IMMP2L: variants seen among roughly 807,000 people sequenced by gnomAD.
The protein encoded by IMMP2L is mitochondrial inner membrane protease subunit 2.
In IMMP2L, 18 loss-of-function variants were observed where a neutral mutation model predicts 19.3. That is an observed-to-expected ratio of 0.93 (90% CI 0.64 to 1.38). IMMP2L has a LOEUF of 1.38. Ranked by LOEUF, IMMP2L falls within the 40% of genes most tolerant of loss-of-function variation. IMMP2L has a pLI of 0.00. For missense variants in IMMP2L, 233 were observed against 218.2 expected (o/e 1.07, Z -0.43); for synonymous variants, 76 against 73.0 (o/e 1.04, Z -0.21).
chr7:110,878,686 G>C (rs145278247), intron 5 of IMMP2L, among the ~76,000 whole-genome samples: 2 of 151,888 alleles, frequency 1.3e-5, no homozygotes, highest in Admixed American at 1.3e-4. Context: ...TGCTGAAATG[G>C]AGGCCAGAAA....
intron 3 of IMMP2L, among the ~76,000 whole-genome samples, chr7:111,093,170 A>G (rs1586211898): frequency 6.6e-6 from 1 of 152,348 alleles, no homozygotes; most frequent in East Asian, 1.9e-4. Flanking sequence ...TCTCTGTAAG[A>G]TGAACAAGTT....
At chr7:111,108,529 A>G (rs1798808811) in intron 3 of IMMP2L, among the ~76,000 whole-genome samples, 2 of 152,174 alleles carry the variant, frequency 1.3e-5, no homozygotes. Flanking sequence ...TATACGAACA[A>G]AACATACATA....
chr7:111,232,550 T>C (rs1813832178), intron 3 of IMMP2L, among the ~76,000 whole-genome samples: 1 of 152,062 alleles, frequency 6.6e-6, no homozygotes, highest in East Asian at 1.9e-4. Context: ...ATAAATTCTT[T>C]TGTTAACTTC....
intron 3 of IMMP2L, among the ~76,000 whole-genome samples, chr7:111,348,652 T>C (rs1341394751): frequency 4.6e-5 from 7 of 152,048 alleles, no homozygotes; most frequent in African/African-American, 7.2e-5. Context: ...CTTCCAAACG[T>C]TTTTAAAATA....
chr7:110,810,930 C>A (rs1322520610), intron 5 of IMMP2L, among the ~76,000 whole-genome samples: 4 of 151,956 alleles, frequency 2.6e-5, no homozygotes, highest in Non-Finnish European at 5.9e-5. Flanking sequence ...TGCTGAGATG[C>A]GTAAAGCTGA....
intron 5 of IMMP2L, among the ~76,000 whole-genome samples, chr7:110,837,677 CA>C (rs1458013298): frequency 6.6e-6 from 1 of 151,994 alleles, no homozygotes; most frequent in East Asian, 1.9e-4. Context: ...GTCAACTATA[CA>C]GGGGCCTCAA....
chr7:110,830,974 G>A (rs1803923790), intron 5 of IMMP2L, among the ~76,000 whole-genome samples: 1 of 152,176 alleles, frequency 6.6e-6, no homozygotes, highest in Admixed American at 6.5e-5. Flanking sequence ...AGTCAGAACT[G>A]GCTGCTCTGG....
At chr7:111,165,478 A>C (rs1805718159) in intron 3 of IMMP2L, among the ~76,000 whole-genome samples, 1 of 152,018 alleles carries the variant, frequency 6.6e-6, no homozygotes, top group South Asian at 2.1e-4. Context: ...TTTATGTTTA[A>C]CTTTTTGAGG....
At chr7:111,280,715 A>T (rs945922174) in intron 3 of IMMP2L, among the ~76,000 whole-genome samples, 14 of 152,164 alleles carry the variant, frequency 9.2e-5, no homozygotes, top group Non-Finnish European at 1.9e-4. Context: ...TCTTACTAAA[A>T]ACTTAGTAAT....
chr7:111,137,969 C>A (rs1802504941), intron 3 of IMMP2L, among the ~76,000 whole-genome samples: 2 of 152,140 alleles, frequency 1.3e-5, no homozygotes, highest in African/African-American at 4.8e-5. Context: ...GGATTACTGG[C>A]ATGAGCCACC....
At chr7:111,475,644 C>G (rs1163099542) in intron 3 of IMMP2L, among the ~76,000 whole-genome samples, 1 of 151,872 alleles carries the variant, frequency 6.6e-6, no homozygotes, top group Non-Finnish European at 1.5e-5. Context: ...ACAAAATTAA[C>G]CATTAGAATA....
intron 4 of IMMP2L, among the ~76,000 whole-genome samples, chr7:110,950,884 A>C (rs1297919782): frequency 7.0e-6 from 1 of 142,224 alleles, no homozygotes; most frequent in African/African-American, 2.7e-5. Context: ...ATATATATGC[A>C]CCAAGTTCAT....
chr7:111,147,803 A>C (rs981779306), intron 3 of IMMP2L, among the ~76,000 whole-genome samples: 1 of 152,176 alleles, frequency 6.6e-6, no homozygotes, highest in Non-Finnish European at 1.5e-5. Context: ...AACAATTGTC[A>C]AAATAAACTT....
At chr7:111,079,807 G>C (rs1226659176) in intron 3 of IMMP2L, among the ~76,000 whole-genome samples, 1 of 152,164 alleles carries the variant, frequency 6.6e-6, no homozygotes, top group African/African-American at 2.4e-5. Context: ...GGCACTTGGA[G>C]GTGGGGCCTT....
At chr7:111,453,621 G>A (rs763101522) in intron 3 of IMMP2L, among the ~76,000 whole-genome samples, 1 of 152,088 alleles carries the variant, frequency 6.6e-6, no homozygotes, top group South Asian at 2.1e-4. Flanking sequence ...GGATGAAACC[G>A]AGAGATCATC....
chr7:110,787,088 C>G (rs1409911258), intron 5 of IMMP2L, among the ~76,000 whole-genome samples: 1 of 151,826 alleles, frequency 6.6e-6, no homozygotes, highest in Non-Finnish European at 1.5e-5. Context: ...TAAGAAGTGA[C>G]TTATAAGGGA....
chr7:111,311,717 C>T lies in IMMP2L; in HGVS notation c.239+175521G>A, dbSNP rs557464958. 5.9e-5 allele frequency among the ~76,000 whole-genome samples: 9 copies of T among 152,206 alleles called. 1 individual carries two copies. Among genetic ancestry groups the T allele is most frequent in the Admixed American group, 2.6e-4 (4 of 15,268 alleles). ...GGTGAGGAAATGAGTTTTCTGCTCA[C>T]GACATCAATTATGTTTCTGTACCCT... On this transcript the variant is annotated intron_variant, in intron 3 of 5. Transcript: ENST00000405709.
At chr7:111,281,188 A>C (rs867115110) in intron 3 of IMMP2L, among the ~76,000 whole-genome samples, 3 of 59,554 alleles carry the variant, frequency 5.0e-5, no homozygotes, top group Admixed American at 1.9e-4. Context: ...GAAAGAAAGA[A>C]AGAAAGAAAG....
chr7:110,798,888 G>A (rs1254605730), intron 5 of IMMP2L, among the ~76,000 whole-genome samples: 1 of 151,914 alleles, frequency 6.6e-6, no homozygotes, highest in Non-Finnish European at 1.5e-5. Flanking sequence ...GGAACTCTGT[G>A]ATTAATGGGC....
Sources: gnomAD v4.1 joint callset for allele counts (sites outside exome capture counted in the v4.1 genomes callset) on GRCh38, gnomAD v4.1.1 for gene constraint, MANE v1.5 for transcripts, NCBI Gene and HGNC (gene_info 2026-07-23, HGNC 2026-07-21) for gene names.